WDR72: variants seen among roughly 807,000 people sequenced by gnomAD.
WDR72 encodes the protein WD repeat domain 72, also known as WD repeat-containing protein 72.
WDR72 carries 120 observed loss-of-function variants against 124.2 expected under a neutral mutation model. The ratio of observed to expected loss-of-function variants is 0.97; its 90% CI spans 0.83 to 1.12. The LOEUF is 1.12. WDR72 is among the 50% of genes most tolerant of loss of function. The probability of loss-of-function intolerance (pLI) is 0.00; values close to 1 mark genes in which losing one functional copy is unlikely to be tolerated. For missense variants in WDR72, 1,387 were observed against 1,278.8 expected, an observed-to-expected ratio of 1.08 and a Z score of -1.29; for synonymous variants, 452 against 441.7, an observed-to-expected ratio of 1.02 and a Z score of -0.29.
At chr15:53,652,492 T>A (rs1042616044) in intron 14 of WDR72, among the ~76,000 whole-genome samples, 1 of 152,170 alleles carries the variant, frequency 6.6e-6, no homozygotes, top group African/African-American at 2.4e-5. Flanking sequence ...AGTCTTTGCA[T>A]CTGGGAAATG....
intron 18 of WDR72, among the ~76,000 whole-genome samples, chr15:53,535,476 A>AT (rs1892713296): frequency 6.6e-6 from 1 of 152,134 alleles, no homozygotes; most frequent in South Asian, 2.1e-4. Context: ...TCGGCTTAAA[A>AT]TTTTTTGCCA....
intron 2 of WDR72, 41 bp from the exon 3 acceptor site, chr15:53,722,949 GT>G: frequency 3.2e-6 from 5 of 1,551,558 alleles, no homozygotes; most frequent in Non-Finnish European, 4.4e-6. Context: ...ATTGTAAACT[GT>G]TTGAAGAATA....
intron 13 of WDR72, among the ~76,000 whole-genome samples, chr15:53,697,839 C>T (rs759523228): frequency 1.4e-4 from 21 of 152,112 alleles, no homozygotes; most frequent in Non-Finnish European, 2.2e-4. Context: ...GACAGAGACT[C>T]GCTCTGTCGC....
rs1371448411 is a variant in WDR72 at position 53,722,819 on chromosome 15, A to G, written c.243T>C (p.Val81=). The change falls in exon 3 of 20, where the codon GTT becomes GTC. Residue 81 remains valine, a synonymous_variant. Coordinates refer to ENST00000360509, the MANE Select transcript of WDR72 (RefSeq NM_182758.4). Reference sequence around the variant, plus strand: ...ATACCTACCCATTTTCAGCAGCACTAACAATGTAGGGCTGTTTAGAGAAGT... The same window carrying G: ...ATACCTACCCATTTTCAGCAGCACTGACAATGTAGGGCTGTTTAGAGAAGT... ...ARDFSKQPYI[V]SAAENGEMCV... is the part of the protein sequence containing the mutation. 24 of 1,614,146 alleles carry G rather than the reference A, an allele frequency of 1.5e-5. No individual in the cohort carries two copies. The East Asian group carries it at 5.4e-4, about 36-fold the overall frequency.
chr15:53,578,607 A>C (rs768435026), intron 18 of WDR72, among the ~76,000 whole-genome samples: 14 of 152,146 alleles, frequency 9.2e-5, no homozygotes, highest in Non-Finnish European at 2.1e-4. Context: ...TGAGGTAGGT[A>C]GAAAGAGGCA....
At chr15:53,729,363 G>A (rs1595878397) in intron 2 of WDR72, among the ~76,000 whole-genome samples, 1 of 152,098 alleles carries the variant, frequency 6.6e-6, no homozygotes, top group Middle Eastern at 3.4e-3. Context: ...TTGCTAGCAA[G>A]TGATCTTCTA....
At chr15:53,727,537 C>A (rs751624157) in intron 2 of WDR72, among the ~76,000 whole-genome samples, 2 of 152,132 alleles carry the variant, frequency 1.3e-5, no homozygotes, top group Non-Finnish European at 2.9e-5. Context: ...TTCAAGTTCG[C>A]GCTACCTTTT....
At chr15:53,609,740 T>C in intron 16 of WDR72, 148 bp from the exon 17 acceptor site, 1 of 709,738 alleles carries the variant, frequency 1.4e-6, no homozygotes, top group South Asian at 1.6e-5. Flanking sequence ...ATTTTTATTT[T>C]ACAGATCCTG....
intron 13 of WDR72, among the ~76,000 whole-genome samples, chr15:53,692,467 C>T (rs1249114053): frequency 6.6e-6 from 1 of 152,120 alleles, no homozygotes; most frequent in Non-Finnish European, 1.5e-5. Context: ...ATTCAGCCCT[C>T]GCTGCCATTA....
chr15:53,747,963 C>T (rs1051239751), intron 1 of WDR72, among the ~76,000 whole-genome samples: 1 of 147,658 alleles, frequency 6.8e-6, no homozygotes, highest in Non-Finnish European at 1.5e-5. Flanking sequence ...ACATTTAACC[C>T]TCTATTTACA....
At chr15:53,696,019 C>A (rs1021263577) in intron 13 of WDR72, among the ~76,000 whole-genome samples, 3 of 152,156 alleles carry the variant, frequency 2.0e-5, no homozygotes, top group Non-Finnish European at 4.4e-5. Context: ...TGGCTTCAAG[C>A]CCCTTTTCCT....
chr15:53,631,365 A>G lies in WDR72; in HGVS notation c.1963-15122T>C, dbSNP rs571339346. Among the ~76,000 whole-genome samples, 95 of 152,368 alleles carry G rather than the reference A, an allele frequency of 6.2e-4. 1 individual carries two copies. The highest frequency in any genetic ancestry group is 1.2e-3 in the Non-Finnish European group (83 of 68,030). On this transcript the variant is annotated intron_variant, in intron 14 of 19. Transcript: ENST00000360509. ...CCACTATGCTTCCTGTAGAGCCTGCAGAACTGTAAACCAATTAAACCTCCT... is the reference window on the plus strand; with the variant it reads ...CCACTATGCTTCCTGTAGAGCCTGCGGAACTGTAAACCAATTAAACCTCCT...
intron 18 of WDR72, among the ~76,000 whole-genome samples, chr15:53,561,745 C>T (rs951355821): frequency 6.6e-6 from 1 of 151,784 alleles, no homozygotes; most frequent in Non-Finnish European, 1.5e-5. Context: ...TTTAGGTTCA[C>T]CTGAGGACCT....
At chr15:53,657,421 G>A (rs1255669528) in intron 14 of WDR72, among the ~76,000 whole-genome samples, 1 of 151,844 alleles carries the variant, frequency 6.6e-6, no homozygotes, top group Non-Finnish European at 1.5e-5. Context: ...TGTAAATGAA[G>A]GCAAATGTAA....
At chr15:53,652,239 T>G (rs1439749781) in intron 14 of WDR72, 1 of 151,970 alleles carries the variant, frequency 6.6e-6, no homozygotes, top group African/African-American at 2.4e-5. Flanking sequence ...GGAATCTAAA[T>G]GGGGTCTTCA....
chr15:53,697,688 T>G (rs1208471511), intron 13 of WDR72, among the ~76,000 whole-genome samples: 1 of 152,230 alleles, frequency 6.6e-6, no homozygotes, highest in Admixed American at 6.5e-5. Context: ...CTGGGTTGAC[T>G]TCAGTTTCCT....
intron 11 of WDR72, among the ~76,000 whole-genome samples, chr15:53,703,883 T>G (rs1004577103): frequency 6.6e-6 from 1 of 152,240 alleles, no homozygotes; most frequent in South Asian, 2.1e-4. Context: ...TGAATGTTCA[T>G]TGAGGTGCTA....
chr15:53,679,908 G>T (rs1319771598), intron 13 of WDR72, among the ~76,000 whole-genome samples: 2 of 148,492 alleles, frequency 1.3e-5, no homozygotes, highest in Non-Finnish European at 3.0e-5. Context: ...AGGTCTAACA[G>T]AGCAGACAGT....
intron 18 of WDR72, among the ~76,000 whole-genome samples, chr15:53,563,138 G>A (rs569950417): frequency 8.6e-5 from 13 of 151,838 alleles, no homozygotes; most frequent in African/African-American, 2.7e-4. Context: ...CAAAATAGTA[G>A]CTAGAAAAAT....
Sources: allele counts gnomAD v4.1 joint callset (sites outside exome capture counted in the v4.1 genomes callset), GRCh38; gene constraint gnomAD v4.1.1; transcripts MANE v1.5; gene names NCBI Gene and HGNC (gene_info 2026-07-23, HGNC 2026-07-21).